NTRK3: variants seen among roughly 807,000 people sequenced by gnomAD.
NTRK3 encodes neurotrophic receptor tyrosine kinase 3.
A neutral mutation model predicts 91.7 loss-of-function variants in NTRK3; 24 were observed. The ratio of observed to expected loss-of-function variants is 0.26; its 90% CI spans 0.19 to 0.37. The LOEUF (loss-of-function observed/expected upper bound fraction) is 0.37. Among genes scored for constraint, NTRK3 ranks in the 10% least tolerant of loss-of-function variants. The probability of loss-of-function intolerance (pLI) is 1.00; values close to 1 mark genes in which losing one functional copy is unlikely to be tolerated. For synonymous variants in NTRK3, 483 were observed against 404.0 expected, an observed-to-expected ratio of 1.20 and a Z score of -2.34; for missense variants, 880 against 1,068.9, an observed-to-expected ratio of 0.82 and a Z score of 2.46.
chr15:87,978,411 C>T (rs1362600692), intron 14 of NTRK3: 3 of 229,198 alleles, frequency 1.3e-5, no homozygotes, highest in African/African-American at 6.7e-5. Context: ...CCATTGGGTT[C>T]CAAAAGTTCT....
chr15:87,992,941 G>T (rs1249989461), intron 14 of NTRK3, among the ~76,000 whole-genome samples: 1 of 152,192 alleles, frequency 6.6e-6, no homozygotes, highest in Non-Finnish European at 1.5e-5. Context: ...TCTGACTTGT[G>T]TGTGTGTGAT....
At chr15:87,946,900 G>A (rs1365280042) in intron 14 of NTRK3, among the ~76,000 whole-genome samples, 1 of 28,194 alleles carries the variant, frequency 3.5e-5, no homozygotes, top group African/African-American at 1.0e-4. Context: ...TTTTTTTTTT[G>A]AGATGGAATC....
chr15:88,080,175 G>A (rs1482435060), intron 13 of NTRK3, among the ~76,000 whole-genome samples: 2 of 152,150 alleles, frequency 1.3e-5, no homozygotes, highest in Non-Finnish European at 2.9e-5. Flanking sequence ...AACCTTGTAT[G>A]TGAACTTTTG....
At chr15:88,223,864 A>C (rs2050451806) in intron 3 of NTRK3, among the ~76,000 whole-genome samples, 1 of 152,186 alleles carries the variant, frequency 6.6e-6, no homozygotes, top group Admixed American at 6.5e-5. Context: ...AGTGCTCCAA[A>C]GGCAGAAGAA....
chr15:88,016,455 C>A (rs139763219), intron 14 of NTRK3, among the ~76,000 whole-genome samples: 1 of 152,152 alleles, frequency 6.6e-6, no homozygotes, highest in African/African-American at 2.4e-5. Flanking sequence ...TCTCCTGGAC[C>A]GTAAGAGTTG....
At position 88,224,542 on chromosome 15, in the gene NTRK3, T is replaced by C. The variant is rs575792577; in HGVS notation, c.248+31364A>G. Among the ~76,000 whole-genome samples, 113 of 152,194 alleles carry C rather than the reference T, an allele frequency of 7.4e-4. 1 individual carries two copies. Among genetic ancestry groups the C allele is most frequent in the Admixed American group, 2.2e-3 (33 of 15,282 alleles). ...CAATGAAGCTAATGACAGTATTAAT[T>C]TGAATTTCAGATAAGCATTGTTATT... On this transcript the variant is annotated intron_variant, in intron 3 of 18. Transcript: ENST00000394480.
intron 13 of NTRK3, among the ~76,000 whole-genome samples, chr15:88,112,532 A>G (rs1383820307): frequency 2.3e-5 from 2 of 85,994 alleles, no homozygotes; most frequent in African/African-American, 1.8e-4. Context: ...TCTGCCTGCC[A>G]CTGCCAGTCT....
intron 5 of NTRK3, among the ~76,000 whole-genome samples, chr15:88,171,269 C>G (rs1053405433): frequency 1.3e-5 from 2 of 152,148 alleles, no homozygotes; most frequent in African/African-American, 2.4e-5. Flanking sequence ...TCAATTTCCT[C>G]GTTGAGAATA....
intron 17 of NTRK3, among the ~76,000 whole-genome samples, chr15:87,895,735 G>A (rs1321145478): frequency 6.6e-6 from 1 of 151,786 alleles, no homozygotes; most frequent in South Asian, 2.1e-4. Context: ...TGCTTTCTGA[G>A]AGATTCCTCT....
intron 5 of NTRK3, among the ~76,000 whole-genome samples, chr15:88,163,278 C>T (rs996883842): frequency 6.6e-6 from 1 of 152,172 alleles, no homozygotes; most frequent in African/African-American, 2.4e-5. Flanking sequence ...ATCCAGCAAC[C>T]TGGTGTTGTT....
In NTRK3 at chr15:88,136,743, G is replaced by C. The variant is rs977214886; in HGVS notation, c.623-134C>G. The C allele has an allele frequency of 2.8e-6, 3 of 1,086,608 alleles. No homozygotes were observed. The African/African-American group carries it at 4.7e-5, about 17-fold the overall frequency. 67.3% of individuals were successfully genotyped at this position (1,086,608 alleles called of 1,614,324 possible). On this transcript the variant is annotated intron_variant, in intron 7 of 18. Transcript: ENST00000394480. Reference sequence around the variant, plus strand: ...CTAACACCACCTGCTTGAGTTCTTGGAAGACCCGCAAATCCAAGACGCTTT... The same window carrying C: ...CTAACACCACCTGCTTGAGTTCTTGCAAGACCCGCAAATCCAAGACGCTTT...
chr15:88,112,218 T>A (rs1050656507), intron 13 of NTRK3, among the ~76,000 whole-genome samples: 1 of 152,218 alleles, frequency 6.6e-6, no homozygotes, highest in Non-Finnish European at 1.5e-5. Flanking sequence ...TGGTTTCTGT[T>A]TTATGTCCAT....
chr15:87,866,776 C>A (rs778982883), exon 19 of NTRK3: 2 of 192,508 alleles, frequency 1.0e-5, no homozygotes, highest in Admixed American at 1.2e-4. Context: ...CTGGTGCCAT[C>A]ACAGAAAAGG....
At chr15:87,997,783 C>T (rs1359801433) in intron 14 of NTRK3, among the ~76,000 whole-genome samples, 2 of 152,134 alleles carry the variant, frequency 1.3e-5, no homozygotes, top group Non-Finnish European at 2.9e-5. Flanking sequence ...ACTTAGATAA[C>T]ACTTGTGCCC....
At position 88,255,001 on chromosome 15, in the gene NTRK3, G is replaced by T. The variant is rs886866085; in HGVS notation, c.248+905C>A. On this transcript the variant is annotated intron_variant, in intron 3 of 18. Transcript: ENST00000394480. The surrounding 1 kb of genome is among the most constrained non-coding windows in gnomAD (Gnocchi z 4.3). The stretch of plus-strand genomic sequence containing the variant: ...CTGCCATCCCCACCAAAGAAAAATA[G>T]CAAGGAGAAAAGAGCAGGCCACCAC... Among the ~76,000 whole-genome samples the T allele has an allele frequency of 9.2e-5, 14 of 152,174 alleles. No homozygotes were observed. The highest frequency in any genetic ancestry group is 2.1e-4 in the South Asian group (1 of 4,820).
intron 14 of NTRK3, among the ~76,000 whole-genome samples, chr15:87,970,803 C>T (rs1428912002): frequency 2.6e-5 from 4 of 152,092 alleles, no homozygotes; most frequent in African/African-American, 7.2e-5. Flanking sequence ...TGTCTAGTAA[C>T]TGGAGGAAGA....
intron 6 of NTRK3, among the ~76,000 whole-genome samples, chr15:88,141,638 G>A (rs528585614): frequency 2.0e-5 from 3 of 152,216 alleles, no homozygotes; most frequent in Non-Finnish European, 4.4e-5. Context: ...CTAGACAGGC[G>A]AGGGGCTTGG....
chr15:88,066,909 C>T (rs2046697196), intron 13 of NTRK3, among the ~76,000 whole-genome samples: 1 of 152,188 alleles, frequency 6.6e-6, no homozygotes, highest in South Asian at 2.1e-4. Flanking sequence ...AGGCCTGATC[C>T]TTACTCCTCT....
chr15:88,236,498 C>T (rs968961830), intron 3 of NTRK3, among the ~76,000 whole-genome samples: 11 of 119,094 alleles, frequency 9.2e-5, no homozygotes, highest in Admixed American at 3.2e-4. Flanking sequence ...CAAAGTGAGA[C>T]TCCAGCCTCT....
Sources: allele counts gnomAD v4.1 joint callset (sites outside exome capture counted in the v4.1 genomes callset), GRCh38; gene constraint gnomAD v4.1.1; non-coding constraint Gnocchi (gnomAD v3.1); transcripts MANE v1.5; gene names NCBI Gene and HGNC (gene_info 2026-07-23, HGNC 2026-07-21).